Variants in SIPA1L2 observed in about 807,000 individuals in gnomAD.
SIPA1L2 encodes signal induced proliferation associated 1 like 2.
SIPA1L2 carries 56 observed loss-of-function variants against 163.9 expected under a neutral mutation model. The observed-to-expected ratio is 0.34, with a 90% CI of 0.28 to 0.43. SIPA1L2 has a LOEUF of 0.43. SIPA1L2 is among the 20% of genes least tolerant of loss of function. The probability of loss-of-function intolerance (pLI) is 1.00; values close to 1 mark genes in which losing one functional copy is unlikely to be tolerated. For synonymous variants in SIPA1L2, 877 were observed against 865.7 expected, an observed-to-expected ratio of 1.01 and a Z score of -0.23; for missense variants, 1,974 against 2,193.5, an observed-to-expected ratio of 0.90 and a Z score of 2.00.
intron 2 of SIPA1L2, among the ~76,000 whole-genome samples, chr1:232,540,277 C>T (rs931240328): frequency 2.6e-5 from 4 of 152,216 alleles, no homozygotes; most frequent in Non-Finnish European, 5.9e-5. Context: ...GCACTCCAGC[C>T]TGGGAGACAA....
At chr1:232,533,400 C>T (rs142517894) in intron 2 of SIPA1L2, among the ~76,000 whole-genome samples, 3 of 152,356 alleles carry the variant, frequency 2.0e-5, no homozygotes, top group Admixed American at 1.3e-4. Flanking sequence ...TTTAAGACCA[C>T]AGTTCTCCTC....
intron 1 of SIPA1L2, among the ~76,000 whole-genome samples, chr1:232,593,686 A>G (rs1012222071): frequency 2.0e-5 from 3 of 152,154 alleles, no homozygotes; most frequent in Non-Finnish European, 2.9e-5. Flanking sequence ...CAAGTTGTTG[A>G]AATTAAATGA....
chr1:232,417,733 C>G (rs1194939185), intron 18 of SIPA1L2, among the ~76,000 whole-genome samples: 2 of 152,204 alleles, frequency 1.3e-5, no homozygotes, highest in Non-Finnish European at 2.9e-5. Context: ...TTCCTTCTCT[C>G]TCTGCAACTC....
chr1:232,578,310 G>C (rs1315658652), intron 1 of SIPA1L2, among the ~76,000 whole-genome samples: 2 of 151,690 alleles, frequency 1.3e-5, no homozygotes, highest in Admixed American at 6.6e-5. Context: ...TTGTTTTATT[G>C]CAGTTGTCTG....
At chr1:232,462,231 T>C (rs1424517442) in intron 9 of SIPA1L2, 32 of 1,550,874 alleles carry the variant, frequency 2.1e-5, no homozygotes, top group Non-Finnish European at 2.8e-5. Flanking sequence ...AAACATGGGC[T>C]CATTAAGTAT....
rs569479340 is a variant in SIPA1L2 at position 232,560,819 on chromosome 1, A to C, written c.-270+13355T>G. 5.9e-5 allele frequency among the ~76,000 whole-genome samples: 9 copies of C among 152,368 alleles called. No homozygotes were observed. In the South Asian group the frequency reaches 1.7e-3, roughly 28 times the overall value. On this transcript the variant is annotated intron_variant, in intron 2 of 22. Transcript: ENST00000674635. The stretch of plus-strand genomic sequence containing the variant: ...ACTGCTGGAAAAACGCCAAGATGTA[A>C]AACTTGGATAATAAATAAATGCAAA...
At chr1:232,618,712 G>C (rs776566619) in intron 1 of SIPA1L2, among the ~76,000 whole-genome samples, 2 of 151,486 alleles carry the variant, frequency 1.3e-5, no homozygotes, top group Non-Finnish European at 2.9e-5. Flanking sequence ...TCACTTCAGT[G>C]TATCAATTAT....
chr1:232,556,996 A>T (rs1658749106), intron 2 of SIPA1L2, among the ~76,000 whole-genome samples: 1 of 152,184 alleles, frequency 6.6e-6, no homozygotes, highest in African/African-American at 2.4e-5. Context: ...ATGTGGAAGA[A>T]ATCCCACACC....
intron 18 of SIPA1L2, among the ~76,000 whole-genome samples, chr1:232,424,720 T>C (rs143839915): frequency 6.6e-6 from 1 of 152,292 alleles, no homozygotes; most frequent in East Asian, 1.9e-4. Flanking sequence ...CATTTCCAAT[T>C]ATGTTAAACA....
chr1:232,588,335 A>T (rs1660780421), intron 1 of SIPA1L2, among the ~76,000 whole-genome samples: 1 of 152,228 alleles, frequency 6.6e-6, no homozygotes, highest in Non-Finnish European at 1.5e-5. Flanking sequence ...ATTTTCGAGG[A>T]AAACAGTAAG....
intron 7 of SIPA1L2, among the ~76,000 whole-genome samples, chr1:232,479,094 T>A (rs1425720690): frequency 1.3e-5 from 2 of 152,256 alleles, no homozygotes; most frequent in Non-Finnish European, 2.9e-5. Context: ...GATTTATGCA[T>A]CATTCAAGTT....
intron 12 of SIPA1L2, among the ~76,000 whole-genome samples, chr1:232,443,147 G>A (rs1454452352): frequency 6.6e-6 from 1 of 152,192 alleles, no homozygotes; most frequent in Non-Finnish European, 1.5e-5. Context: ...GAAGTCCTCA[G>A]GCTCTGCCTG....
chr1:232,579,509 G>A (rs541458946), intron 1 of SIPA1L2, among the ~76,000 whole-genome samples: 9 of 152,204 alleles, frequency 5.9e-5, no homozygotes, highest in Non-Finnish European at 1.2e-4. Context: ...AGAGGAGGGA[G>A]GCAGGGCATT....
At chr1:232,519,075 A>G (rs1395487101) in intron 2 of SIPA1L2, among the ~76,000 whole-genome samples, 2 of 152,162 alleles carry the variant, frequency 1.3e-5, no homozygotes, top group African/African-American at 2.4e-5. Context: ...TGTTTGCTCC[A>G]TGCCATTTTC....
intron 22 of SIPA1L2, among the ~76,000 whole-genome samples, chr1:232,400,482 G>A (rs1484978045): frequency 6.6e-6 from 1 of 152,120 alleles, no homozygotes; most frequent in East Asian, 1.9e-4. Flanking sequence ...GTCCCCAGCA[G>A]CTCACTATGG....
At chr1:232,591,556 T>C (rs1014266287) in intron 1 of SIPA1L2, among the ~76,000 whole-genome samples, 1 of 152,248 alleles carries the variant, frequency 6.6e-6, no homozygotes, top group East Asian at 1.9e-4. Flanking sequence ...CAGAATGGCA[T>C]AGCCATCTGG....
chr1:232,485,002 T>C (rs1665573695), intron 5 of SIPA1L2, among the ~76,000 whole-genome samples: 1 of 152,142 alleles, frequency 6.6e-6, no homozygotes, highest in African/African-American at 2.4e-5. Context: ...ATGACAGCAG[T>C]CTCATCCATA....
At chr1:232,415,045 C>T (rs914406754) in intron 19 of SIPA1L2, among the ~76,000 whole-genome samples, 4 of 152,350 alleles carry the variant, frequency 2.6e-5, no homozygotes, top group East Asian at 3.9e-4. Context: ...AAGCCAATCA[C>T]GCTGGAGTCT....
chr1:232,597,668 C>G (rs372505978), intron 1 of SIPA1L2, among the ~76,000 whole-genome samples: 5 of 122,446 alleles, frequency 4.1e-5, no homozygotes, highest in Non-Finnish European at 6.3e-5. Flanking sequence ...CCAGCCTGGG[C>G]GACAGAGCGA....
Sources: gnomAD v4.1 joint callset for allele counts (sites outside exome capture counted in the v4.1 genomes callset) on GRCh38, gnomAD v4.1.1 for gene constraint, MANE v1.5 for transcripts, NCBI Gene and HGNC (gene_info 2026-07-23, HGNC 2026-07-21) for gene names.